ST3GAL3: variants seen among roughly 807,000 people sequenced by gnomAD.
ST3GAL3 encodes the protein ST3 beta-galactoside alpha-2,3-sialyltransferase 3.
Under a neutral mutation model 50.1 loss-of-function variants are expected in ST3GAL3, and 21 were observed. The ratio of observed to expected loss-of-function variants is 0.42; its 90% CI spans 0.30 to 0.60. The LOEUF is 0.60. Ranked by LOEUF, ST3GAL3 falls within the 20% of genes least tolerant of loss-of-function variation. The pLI is 0.19. For missense variants in ST3GAL3, 353 were observed against 489.4 expected (o/e 0.72, Z 2.63); for synonymous variants, 183 against 190.0 (o/e 0.96, Z 0.30).
intron 4 of ST3GAL3, among the ~76,000 whole-genome samples, chr1:43,817,584 T>TTCTC (rs1558437509): frequency 3.6e-5 from 1 of 27,846 alleles, no homozygotes; most frequent in African/African-American, 1.7e-4. Flanking sequence ...CTCCTTCTCC[T>TTCTC]CCTTCTCCTC....
intron 5 of ST3GAL3, among the ~76,000 whole-genome samples, chr1:43,859,150 C>T (rs1021423697): frequency 5.3e-5 from 8 of 152,122 alleles, no homozygotes; most frequent in Middle Eastern, 3.2e-3. Flanking sequence ...CTCAGGAGTT[C>T]CTGGTCAGGG....
intron 9 of ST3GAL3, among the ~76,000 whole-genome samples, chr1:43,902,931 T>A (rs2154275160): frequency 6.6e-6 from 1 of 151,888 alleles, no homozygotes. Flanking sequence ...GGAGAGAGAG[T>A]CCCAGAGCTA....
intron 5 of ST3GAL3, among the ~76,000 whole-genome samples, chr1:43,870,964 G>A (rs927061213): frequency 1.3e-5 from 2 of 152,156 alleles, no homozygotes; most frequent in South Asian, 2.1e-4. Flanking sequence ...TCCCAGTACC[G>A]AGGTAAGGAT....
At chr1:43,770,150 A>G (rs1373076345) in intron 2 of ST3GAL3, among the ~76,000 whole-genome samples, 6 of 151,324 alleles carry the variant, frequency 4.0e-5, no homozygotes, top group South Asian at 2.1e-4. Flanking sequence ...ATCAAGCAGA[A>G]TATTCTCTAG....
In ST3GAL3 at chr1:43,899,623, A is replaced by G. The variant is rs988445798; in HGVS notation, c.640A>G (p.Met214Val). ...GCGCATCACCTACCCCGAGGGCGCC[A>G]TGCAGCGGCCTGAGCAGTACGAGCG... is the stretch of plus-strand genomic sequence containing the variant. The part of the protein sequence containing the change: ...TLRITYPEGA[M>V]QRPEQYERDS... The change falls in exon 9 of 12, where the codon ATG becomes GTG. Residue 214 changes from methionine to valine, a missense_variant. Transcript: ENST00000347631. This position sits in a 1 kb window ranked among gnomAD's most constrained non-coding sequence, Gnocchi z 5.4. 6 of 1,614,076 alleles carry G rather than the reference A, an allele frequency of 3.7e-6. No individual in the cohort carries two copies. Among genetic ancestry groups the G allele is most frequent in the African/African-American group, 2.7e-5 (2 of 74,952 alleles).
At chr1:43,708,680 A>G (rs1662865200) in intron 1 of ST3GAL3, among the ~76,000 whole-genome samples, 1 of 152,360 alleles carries the variant, frequency 6.6e-6, no homozygotes, top group East Asian at 1.9e-4. Context: ...TCTTAAGGCA[A>G]TACAGCTCCT....
At chr1:43,753,357 C>T (rs1359477943) in intron 2 of ST3GAL3, among the ~76,000 whole-genome samples, 2 of 152,166 alleles carry the variant, frequency 1.3e-5, no homozygotes, top group Non-Finnish European at 2.9e-5. Flanking sequence ...TTTTGTAACT[C>T]AGTAATTTAT....
chr1:43,829,236 G>T (rs1398513658), intron 4 of ST3GAL3, among the ~76,000 whole-genome samples: 1 of 152,078 alleles, frequency 6.6e-6, no homozygotes, highest in Non-Finnish European at 1.5e-5. Flanking sequence ...TTTCCTAGTT[G>T]AATTTCTTTA....
intron 1 of ST3GAL3, among the ~76,000 whole-genome samples, chr1:43,729,974 C>T (rs1352294865): frequency 3.3e-5 from 5 of 152,232 alleles, no homozygotes; most frequent in Non-Finnish European, 5.9e-5. Flanking sequence ...CACAGCCTCA[C>T]TTCTAGAATG....
chr1:43,748,992 C>T (rs1001169830), intron 2 of ST3GAL3, among the ~76,000 whole-genome samples: 4 of 152,136 alleles, frequency 2.6e-5, no homozygotes, highest in Non-Finnish European at 5.9e-5. Context: ...CTGTGGTAAT[C>T]AGGACAATAC....
At chr1:43,771,730 TTGTGTGTGTGTGTGTGTGTGTG>T (rs143955404) in intron 2 of ST3GAL3, among the ~76,000 whole-genome samples, 2 of 145,022 alleles carry the variant, frequency 1.4e-5, no homozygotes, top group Non-Finnish European at 3.0e-5. Context: ...TTTAATAAAG[TTGTGTGTGTGTGTGTGTGTGTG>T]TGTGTGTGTG....
chr1:43,760,314 G>A (rs1427165766), intron 2 of ST3GAL3, among the ~76,000 whole-genome samples: 2 of 152,178 alleles, frequency 1.3e-5, no homozygotes, highest in African/African-American at 2.4e-5. Flanking sequence ...TTAAACACTT[G>A]TCTGATACAG....
intron 3 of ST3GAL3, among the ~76,000 whole-genome samples, chr1:43,803,654 A>G (rs2059566133): frequency 6.6e-6 from 1 of 152,178 alleles, no homozygotes; most frequent in African/African-American, 2.4e-5. Flanking sequence ...ACCTTTTAAG[A>G]GTTTACATCA....
At chr1:43,866,916 G>A (rs1482404044) in intron 5 of ST3GAL3, among the ~76,000 whole-genome samples, 1 of 152,174 alleles carries the variant, frequency 6.6e-6, no homozygotes, top group African/African-American at 2.4e-5. Flanking sequence ...TGGATCATGA[G>A]GTCAGGAGTT....
chr1:43,819,987 A>C (rs978552048), intron 4 of ST3GAL3, among the ~76,000 whole-genome samples: 1 of 152,258 alleles, frequency 6.6e-6, no homozygotes, highest in Non-Finnish European at 1.5e-5. Flanking sequence ...AAACCAAAAA[A>C]GAGGCAGAAT....
intron 3 of ST3GAL3, among the ~76,000 whole-genome samples, chr1:43,808,902 C>G (rs756997509): frequency 3.3e-5 from 5 of 152,176 alleles, no homozygotes; most frequent in Non-Finnish European, 7.3e-5. Context: ...TGGGGTATCT[C>G]ATAGTGTACT....
intron 2 of ST3GAL3, among the ~76,000 whole-genome samples, chr1:43,758,189 TCATCCAATCAATATTTGG>T (rs1688850900): frequency 7.4e-6 from 1 of 135,828 alleles, no homozygotes; most frequent in Non-Finnish European, 1.6e-5. Flanking sequence ...AAAGGCAGTA[TCATCCAATCAATATTTGG>T]CATTATAAAA....
At chr1:43,831,056 A>C (rs1197461228) in intron 4 of ST3GAL3, among the ~76,000 whole-genome samples, 1 of 152,204 alleles carries the variant, frequency 6.6e-6, no homozygotes, top group Non-Finnish European at 1.5e-5. Flanking sequence ...CAGCCCTATA[A>C]AATGTGCATT....
intron 9 of ST3GAL3, among the ~76,000 whole-genome samples, chr1:43,910,960 A>G (rs1410951468): frequency 1.3e-5 from 2 of 152,238 alleles, no homozygotes; most frequent in African/African-American, 4.8e-5. Flanking sequence ...AGAGACCACT[A>G]TCAGGTAATG....
Sources: allele counts gnomAD v4.1 joint callset (sites outside exome capture counted in the v4.1 genomes callset), GRCh38; gene constraint gnomAD v4.1.1; non-coding constraint Gnocchi (gnomAD v3.1); transcripts MANE v1.5; gene names NCBI Gene and HGNC (gene_info 2026-07-23, HGNC 2026-07-21).